The following SPAG16 variants were observed in gnomAD, a reference collection of about 807,000 sequenced individuals.
The protein encoded by SPAG16 is sperm associated antigen 16.
A neutral mutation model predicts 80.4 loss-of-function variants in SPAG16; 86 were observed. The ratio of observed to expected loss-of-function variants is 1.07; its 90% confidence interval spans 0.90 to 1.28. The LOEUF is 1.28. Among genes scored for constraint, SPAG16 ranks in the 50% most tolerant of loss-of-function variants. The probability of loss-of-function intolerance (pLI) is 0.00; values close to 1 mark genes in which losing one functional copy is unlikely to be tolerated. For synonymous variants in SPAG16, 294 were observed against 265.9 expected, an observed-to-expected ratio of 1.11 and a Z score of -1.03; for missense variants, 870 against 765.3, an observed-to-expected ratio of 1.14 and a Z score of -1.61.
At chr2:213,681,513 G>T (rs752543276) in intron 10 of SPAG16, among the ~76,000 whole-genome samples, 1 of 152,106 alleles carries the variant, frequency 6.6e-6, no homozygotes, top group Non-Finnish European at 1.5e-5. Context: ...GAGATCTGAT[G>T]ATCTCTTTTG....
chr2:214,190,364 C>T (rs1360138024), intron 15 of SPAG16, among the ~76,000 whole-genome samples: 1 of 152,068 alleles, frequency 6.6e-6, no homozygotes, highest in Non-Finnish European at 1.5e-5. Context: ...AATTTTTGAG[C>T]AGTGCACTTC....
intron 15 of SPAG16, among the ~76,000 whole-genome samples, chr2:214,328,671 T>C (rs1171350565): frequency 6.6e-6 from 1 of 152,212 alleles, no homozygotes; most frequent in East Asian, 1.9e-4. Context: ...TAAAATTATA[T>C]AGTTCAAAAT....
intron 11 of SPAG16, among the ~76,000 whole-genome samples, chr2:213,897,675 C>T (rs892300249): frequency 6.6e-6 from 1 of 152,148 alleles, no homozygotes; most frequent in Non-Finnish European, 1.5e-5. Context: ...AGTCACTGAG[C>T]TCATCACACG....
chr2:213,432,668 T>C (rs2070379848), intron 9 of SPAG16, among the ~76,000 whole-genome samples: 2 of 149,442 alleles, frequency 1.3e-5, no homozygotes, highest in South Asian at 4.1e-4. Flanking sequence ...ATTTTACCAG[T>C]TGTACAAAGA....
At chr2:213,537,670 T>G (rs1002319050) in intron 10 of SPAG16, among the ~76,000 whole-genome samples, 11 of 152,188 alleles carry the variant, frequency 7.2e-5, no homozygotes, top group African/African-American at 2.7e-4. Flanking sequence ...CTTAACATTT[T>G]TTTTTCTGTA....
intron 9 of SPAG16, among the ~76,000 whole-genome samples, chr2:213,454,955 A>G (rs2071913004): frequency 6.6e-6 from 1 of 152,150 alleles, no homozygotes; most frequent in Non-Finnish European, 1.5e-5. Context: ...TATATCCTAT[A>G]GTTTTGTTTG....
rs896812220 is a variant in SPAG16 at position 213,925,136 on chromosome 2, GTT to G, written c.1215-4816_1215-4815del. ...ACTTTATTAATACTATATCATTATTGTTTTTTTTTATTTTTACAAGCATTTTT... is the reference window on the plus strand; with the variant it reads ...ACTTTATTAATACTATATCATTATTGTTTTTTTATTTTTACAAGCATTTTT... On this transcript the variant is annotated intron_variant, in intron 11 of 15. Transcript: ENST00000331683. Among the ~76,000 whole-genome samples the G allele has an allele frequency of 1.0e-3, 7 of 7,026 alleles. No individual in the cohort carries two copies. The Admixed American group carries it at 0.027, about 27-fold the overall frequency. The allele number at this position is 7,026 out of a possible 152,430, so 4.6% of individuals were successfully genotyped here. A position where few individuals can be genotyped will look rare whatever the true frequency, so the allele number is the denominator to read the frequency against.
intron 11 of SPAG16, among the ~76,000 whole-genome samples, chr2:213,874,223 G>T (rs1266750837): frequency 6.6e-6 from 1 of 152,000 alleles, no homozygotes; most frequent in African/African-American, 2.4e-5. Context: ...TGTACACTTA[G>T]GCTATACTGA....
intron 13 of SPAG16, among the ~76,000 whole-genome samples, chr2:214,073,531 G>C (rs936234009): frequency 2.6e-5 from 4 of 152,024 alleles, no homozygotes; most frequent in African/African-American, 9.7e-5. Context: ...CACCACGCCC[G>C]GCCGGATATT....
At chr2:213,305,669 T>C (rs1485224709) in intron 3 of SPAG16, among the ~76,000 whole-genome samples, 1 of 152,204 alleles carries the variant, frequency 6.6e-6, no homozygotes, top group Non-Finnish European at 1.5e-5. Flanking sequence ...TTGATAGATT[T>C]GCATAAGTTG....
At chr2:214,268,013 G>A (rs1476436562) in intron 15 of SPAG16, among the ~76,000 whole-genome samples, 3 of 151,732 alleles carry the variant, frequency 2.0e-5, no homozygotes, top group African/African-American at 7.2e-5. Flanking sequence ...AGTGAGTAAA[G>A]GACTCAAATG....
At chr2:214,370,457 A>G (rs947764661) in intron 15 of SPAG16, among the ~76,000 whole-genome samples, 1 of 152,156 alleles carries the variant, frequency 6.6e-6, no homozygotes, top group South Asian at 2.1e-4. Context: ...ATAATAGAGA[A>G]ATTATATAAA....
intron 2 of SPAG16, among the ~76,000 whole-genome samples, chr2:213,296,358 T>A (rs2062496311): frequency 6.6e-6 from 1 of 152,208 alleles, no homozygotes. Flanking sequence ...TTCAGCTCCT[T>A]ATTACCTGCC....
chr2:214,192,635 A>AT (rs919291657), intron 15 of SPAG16, among the ~76,000 whole-genome samples: 4 of 34,582 alleles, frequency 1.2e-4, no homozygotes, highest in Non-Finnish European at 2.3e-4. Context: ...ATATTCCTTT[A>AT]TTTTTTTTGT....
chr2:213,886,505 G>A (rs1239005971), intron 11 of SPAG16, among the ~76,000 whole-genome samples: 2 of 151,958 alleles, frequency 1.3e-5, no homozygotes, highest in Admixed American at 1.3e-4. Flanking sequence ...TGGCCTTGTT[G>A]AAAAAACAAC....
intron 15 of SPAG16, 53 bp from the exon 16 acceptor site, chr2:214,410,087 T>C: frequency 1.9e-6 from 3 of 1,595,724 alleles, no homozygotes; most frequent in Non-Finnish European, 2.6e-6. Context: ...CTGTGAACAC[T>C]TGAAATAAAA....
At chr2:213,525,352 G>A (rs767507559) in intron 10 of SPAG16, among the ~76,000 whole-genome samples, 3 of 141,766 alleles carry the variant, frequency 2.1e-5, no homozygotes, top group African/African-American at 5.3e-5. Context: ...GCAGTGGCGC[G>A]ATCTTGGCTC....
At chr2:213,554,394 A>G (rs1309211995) in intron 10 of SPAG16, among the ~76,000 whole-genome samples, 1 of 152,210 alleles carries the variant, frequency 6.6e-6, no homozygotes, top group Non-Finnish European at 1.5e-5. Flanking sequence ...CATGGAAACT[A>G]ACTTATAAAG....
intron 10 of SPAG16, among the ~76,000 whole-genome samples, chr2:213,508,520 C>T (rs986411612): frequency 1.6e-4 from 25 of 151,932 alleles, no homozygotes; most frequent in African/African-American, 5.8e-4. Flanking sequence ...TGCAGTGAGC[C>T]GAGATTGCGC....
Sources: gnomAD v4.1 joint callset for allele counts (sites outside exome capture counted in the v4.1 genomes callset) on GRCh38, gnomAD v4.1.1 for gene constraint, MANE v1.5 for transcripts, NCBI Gene and HGNC (gene_info 2026-07-23, HGNC 2026-07-21) for gene names.